LRMDA: variants seen among roughly 807,000 people sequenced by gnomAD.
LRMDA encodes leucine rich melanocyte differentiation associated.
A neutral mutation model predicts 29.8 loss-of-function variants in LRMDA; 18 were observed. The ratio of observed to expected loss-of-function variants is 0.60; its 90% CI spans 0.42 to 0.90. The LOEUF is 0.90. Among genes scored for constraint, LRMDA ranks in the 40% least tolerant of loss-of-function variants. The pLI, the probability that LRMDA is intolerant of heterozygous loss-of-function variation, is 0.00. For synonymous variants in LRMDA, 125 were observed against 109.4 expected (o/e 1.14, Z -0.89); for missense variants, 273 against 273.9 (o/e 1.00, Z 0.02).
Position 75,862,641 on chromosome 10 carries a change from T to C in LRMDA, c.132-173367T>C, listed in dbSNP as rs532635380. 6.1e-3 allele frequency among the ~76,000 whole-genome samples: 925 copies of C among 152,338 alleles called. 6 individuals carry two copies. Among genetic ancestry groups the C allele is most frequent in the Admixed American group, 0.012 (185 of 15,296 alleles). On this transcript the variant is annotated intron_variant, in intron 2 of 6. Transcript: ENST00000611255. ...CTTGTGTCACCCTCATTAGTATTTA[T>C]GGGATTTATCCACATCAATCGGTAG...
chr10:75,905,004 GA>G (rs1009927018), intron 2 of LRMDA, among the ~76,000 whole-genome samples: 15 of 151,620 alleles, frequency 9.9e-5, no homozygotes, highest in African/African-American at 2.9e-4. Flanking sequence ...GGGAGAAAGG[GA>G]AAAAAAAGTG....
chr10:76,097,241 C>A (rs1014061390), intron 5 of LRMDA, among the ~76,000 whole-genome samples: 1 of 152,176 alleles, frequency 6.6e-6, no homozygotes, highest in Non-Finnish European at 1.5e-5. Context: ...GAACTCCTGA[C>A]CTCAGGTAAT....
At chr10:75,505,035 G>A (rs1355435739) in intron 2 of LRMDA, among the ~76,000 whole-genome samples, 1 of 152,128 alleles carries the variant, frequency 6.6e-6, no homozygotes, top group Admixed American at 6.5e-5. Context: ...AGAAGAACTA[G>A]GTGAGAGATA....
intron 2 of LRMDA, among the ~76,000 whole-genome samples, chr10:75,812,699 A>G (rs1036168828): frequency 6.6e-6 from 1 of 152,122 alleles, no homozygotes; most frequent in Non-Finnish European, 1.5e-5. Flanking sequence ...TCCATTATTC[A>G]CATACATTTT....
intron 2 of LRMDA, among the ~76,000 whole-genome samples, chr10:75,699,017 A>G (rs1422145682): frequency 1.3e-5 from 2 of 152,142 alleles, no homozygotes; most frequent in Admixed American, 6.5e-5. Context: ...CTTGGCCAAC[A>G]TAGTGAAACT....
chr10:76,471,642 A>G (rs1189554843), intron 6 of LRMDA, among the ~76,000 whole-genome samples: 2 of 151,742 alleles, frequency 1.3e-5, no homozygotes, highest in African/African-American at 2.4e-5. Context: ...GAATGGATAA[A>G]AAAACAAAAT....
intron 2 of LRMDA, among the ~76,000 whole-genome samples, chr10:75,949,636 C>T (rs1846538590): frequency 6.6e-6 from 1 of 152,118 alleles, no homozygotes; most frequent in African/African-American, 2.4e-5. Context: ...AATGAAGGGT[C>T]CCTGGGAAGC....
intron 6 of LRMDA, among the ~76,000 whole-genome samples, chr10:76,519,382 C>T (rs969350424): frequency 3.3e-5 from 5 of 152,130 alleles, no homozygotes; most frequent in Non-Finnish European, 5.9e-5. Flanking sequence ...CTAAAACAAA[C>T]AAAACCTATA....
intron 2 of LRMDA, among the ~76,000 whole-genome samples, chr10:75,566,243 C>A (rs567654921): frequency 1.3e-5 from 2 of 152,208 alleles, no homozygotes; most frequent in Non-Finnish European, 2.9e-5. Flanking sequence ...ATTGCTCGTT[C>A]CTTCTCCTCT....
chr10:75,518,157 T>C (rs537328532), intron 2 of LRMDA, among the ~76,000 whole-genome samples: 1 of 152,322 alleles, frequency 6.6e-6, no homozygotes, highest in Non-Finnish European at 1.5e-5. Flanking sequence ...TGGTCTAAAA[T>C]TCTCTTTTTT....
intron 6 of LRMDA, among the ~76,000 whole-genome samples, chr10:76,338,785 G>C (rs148700487): frequency 6.6e-5 from 10 of 152,168 alleles, no homozygotes; most frequent in East Asian, 5.8e-4. Context: ...TGGAATTAAA[G>C]GACAGAAATA....
chr10:76,066,799 TC>T, intron 5 of LRMDA, among the ~76,000 whole-genome samples: 1 of 152,198 alleles, frequency 6.6e-6, no homozygotes, highest in Non-Finnish European at 1.5e-5. Context: ...GTTTGCAGTT[TC>T]CCCTGAGGGT....
intron 6 of LRMDA, among the ~76,000 whole-genome samples, chr10:76,449,909 T>A (rs1470917115): frequency 7.2e-5 from 11 of 152,068 alleles, no homozygotes; most frequent in Non-Finnish European, 1.2e-4. Context: ...TCCTGATTTT[T>A]AAAAATATAT....
intron 3 of LRMDA, among the ~76,000 whole-genome samples, chr10:76,044,671 TG>T (rs1848399700): frequency 6.6e-6 from 1 of 152,100 alleles, no homozygotes; most frequent in South Asian, 2.1e-4. Context: ...CTCATCCCCC[TG>T]GTGTGGGACC....
chr10:76,190,039 G>A (rs1358828647), intron 5 of LRMDA, among the ~76,000 whole-genome samples: 1 of 152,162 alleles, frequency 6.6e-6, no homozygotes, highest in Non-Finnish European at 1.5e-5. Flanking sequence ...TGCTAGCATA[G>A]CCTCGACCTC....
chr10:75,447,457 C>G (rs1844408229), intron 2 of LRMDA, among the ~76,000 whole-genome samples: 2 of 151,990 alleles, frequency 1.3e-5, no homozygotes, highest in South Asian at 4.2e-4. Flanking sequence ...ACCCAGGAGG[C>G]AGAGGTTGCA....
At chr10:75,446,692 G>A (rs1844400834) in intron 2 of LRMDA, among the ~76,000 whole-genome samples, 1 of 152,218 alleles carries the variant, frequency 6.6e-6, no homozygotes, top group Non-Finnish European at 1.5e-5. Flanking sequence ...TGTTAATGCA[G>A]CATAACCTAG....
At chr10:75,960,097 G>A (rs1364165425) in intron 2 of LRMDA, among the ~76,000 whole-genome samples, 5 of 151,992 alleles carry the variant, frequency 3.3e-5, no homozygotes, top group Admixed American at 1.3e-4. Flanking sequence ...TCTCCACATC[G>A]TGTCCACATG....
intron 5 of LRMDA, among the ~76,000 whole-genome samples, chr10:76,254,156 C>G (rs1852537697): frequency 6.6e-6 from 1 of 152,134 alleles, no homozygotes; most frequent in South Asian, 2.1e-4. Flanking sequence ...GCTTCCCTAT[C>G]CTCAAGCTTC....
Sources: gnomAD v4.1 joint callset for allele counts (sites outside exome capture counted in the v4.1 genomes callset) on GRCh38, gnomAD v4.1.1 for gene constraint, MANE v1.5 for transcripts, NCBI Gene and HGNC (gene_info 2026-07-23, HGNC 2026-07-21) for gene names.